FER1L5: variants seen among roughly 807,000 people sequenced by gnomAD.
FER1L5 encodes the protein fer-1 like family member 5, also known as fer-1-like protein 5.
A neutral mutation model predicts 279.9 loss-of-function variants in FER1L5; 187 were observed. That is an observed-to-expected ratio of 0.67 (90% CI 0.59 to 0.75). The LOEUF (loss-of-function observed/expected upper bound fraction) is 0.75. Among genes scored for constraint, FER1L5 ranks in the 30% least tolerant of loss-of-function variants. The pLI, the probability that FER1L5 is intolerant of heterozygous loss-of-function variation, is 0.00. For synonymous variants in FER1L5, 921 were observed against 989.7 expected (o/e 0.93, Z 1.30); for missense variants, 2,091 against 2,594.4 (o/e 0.81, Z 4.21).
Position 96,680,980 on chromosome 2 carries a change from T to A in FER1L5, c.1670-3347T>A, listed in dbSNP as rs186140113. ...CAGCCTTGAACTCCTGGCCTCAGCC[T>A]CCCAAAGCATTGGGATTGCAGGCGT... is the stretch of plus-strand genomic sequence containing the variant. On this transcript the variant is annotated intron_variant, in intron 19 of 52. Transcript: ENST00000624922. 5.3e-3 allele frequency among the ~76,000 whole-genome samples: 805 copies of A among 152,356 alleles called. 10 individuals carry two copies. The highest frequency in any genetic ancestry group is 0.019 in the African/African-American group (772 of 41,584).
At chr2:96,666,562 C>G (rs961308638) in intron 14 of FER1L5, among the ~76,000 whole-genome samples, 3 of 152,102 alleles carry the variant, frequency 2.0e-5, no homozygotes, top group Non-Finnish European at 4.4e-5. Context: ...GAAGAGGCCC[C>G]AGCTGAGAGG....
At chr2:96,662,355 C>A in intron 13 of FER1L5, 88 bp downstream of exon 13, 2 of 1,189,440 alleles carry the variant, frequency 1.7e-6, no homozygotes, top group African/African-American at 1.5e-5. Context: ...GGCAAGACCA[C>A]AGGAATCATC....
intron 10 of FER1L5, among the ~76,000 whole-genome samples, chr2:96,661,068 C>T (rs1180612914): frequency 6.6e-6 from 1 of 152,134 alleles, no homozygotes; most frequent in Non-Finnish European, 1.5e-5. Context: ...GGTTCCAGAC[C>T]AGGCCACAGT....
At chr2:96,687,620 C>T (rs1293687877) in intron 23 of FER1L5, 196 bp from the exon 24 acceptor site, 7 of 768,118 alleles carry the variant, frequency 9.1e-6, no homozygotes, top group Non-Finnish European at 1.2e-5. Flanking sequence ...TCATGGCTCC[C>T]AGGGTGGAGC....
In FER1L5 at chr2:96,686,103, A is replaced by T. The variant is rs7599598; in HGVS notation, c.2059A>T (p.Thr687Ser). The change falls in exon 22 of 53, where the codon ACC becomes TCC. Residue 687 changes from threonine to serine, a missense_variant. Coordinates refer to ENST00000624922, the MANE Select transcript of FER1L5 (RefSeq NM_001293083.2). ...TAEDWLYRLN[T>S]VLPEPQMGLP... ...GGAGGACTGGCTGTACCGCCTCAAC[A>T]CCGTGCTCCCTGAGGTGGGTGCTGC... 1.9e-6 allele frequency: 3 copies of T among 1,550,800 alleles called. No individual in the cohort carries two copies. In the East Asian group the frequency reaches 7.3e-5, roughly 38 times the overall value.
intron 19 of FER1L5, among the ~76,000 whole-genome samples, chr2:96,682,877 G>GTC (rs1025099617): frequency 6.6e-5 from 10 of 152,264 alleles, no homozygotes; most frequent in Middle Eastern, 3.4e-3. Flanking sequence ...TAGAGACAGG[G>GTC]TCTCTCTGTG....
intron 19 of FER1L5, among the ~76,000 whole-genome samples, chr2:96,675,355 G>A (rs2076472989): frequency 1.3e-5 from 2 of 152,088 alleles, no homozygotes; most frequent in South Asian, 4.2e-4. Flanking sequence ...TCCTCAGCAT[G>A]GTATGAGAGT....
Position 96,702,731 on chromosome 2 carries a change from A to G in FER1L5, c.5387A>G (p.Gln1796Arg). The G allele has an allele frequency of 6.2e-7, 1 of 1,613,048 alleles. No homozygotes were observed. The highest frequency in any genetic ancestry group is 1.7e-4 in the Middle Eastern group (1 of 6,060). Residue 1796 changes from glutamine (Q) to arginine (R), a missense_variant, in exon 48 of 53, where the codon CAG becomes CGG. Coordinates refer to ENST00000624922, the MANE Select transcript of FER1L5 (RefSeq NM_001293083.2). The surrounding 1 kb of genome is among the most constrained non-coding windows in gnomAD (Gnocchi z 4.0). ...DYLAAERTCV[Q>R]SQKDYIWSLD... ...CTGGCGGCGGAGCGCACGTGTGTCC[A>G]GAGCCAGAAGGTAACAGGCCTGGGG... is the stretch of plus-strand genomic sequence containing the variant.
rs2077657546 is a variant in FER1L5, at chr2:96,703,256, C to T, written c.5601C>T (p.Ile1867=). Residue 1867 remains isoleucine, a synonymous_variant, in exon 50 of 53, where the codon ATC becomes ATT. Transcript: ENST00000624922. The part of the protein sequence containing the change: ...MDADPKWPYF[I]QYKHFSLFKK... ...CCGACCCCAAGTGGCCCTATTTCAT[C>T]CAATACAAGCACTTCTCCCTCTTTA... 1 of 1,613,818 alleles carries T rather than the reference C, an allele frequency of 6.2e-7. No individual in the cohort carries two copies. The highest frequency in any genetic ancestry group is 1.3e-5 in the African/African-American group (1 of 74,912).
intron 19 of FER1L5, among the ~76,000 whole-genome samples, chr2:96,680,307 CT>C (rs1488775304): frequency 6.6e-6 from 1 of 152,020 alleles, no homozygotes; most frequent in Non-Finnish European, 1.5e-5. Flanking sequence ...TCATTCCAGT[CT>C]TTCACTCAAA....
intron 19 of FER1L5, among the ~76,000 whole-genome samples, chr2:96,681,197 GTC>G (rs1255058563): frequency 6.6e-6 from 1 of 152,170 alleles, no homozygotes; most frequent in African/African-American, 2.4e-5. Context: ...GAGAGACCCT[GTC>G]TCTAATTAGC....
rs574018121 is a variant in FER1L5, at chr2:96,651,248, T to C, written c.505-644T>C. On this transcript the variant is annotated intron_variant, in intron 6 of 52. Transcript: ENST00000624922. ...TTCTTTCTTTCTTTCTCTTTCTTTCTTTCTTTCTTTCTTTCTTTCTTTCTT... is the reference window on the plus strand; with the variant it reads ...TTCTTTCTTTCTTTCTCTTTCTTTCCTTCTTTCTTTCTTTCTTTCTTTCTT... Among the ~76,000 whole-genome samples the C allele has an allele frequency of 9.2e-3, 884 of 96,012 alleles. 9 individuals are homozygous for C. The highest frequency in any genetic ancestry group is 0.035 in the African/African-American group (836 of 24,104). 63.0% of individuals were successfully genotyped at this position (96,012 alleles called of 152,430 possible). A position where few individuals can be genotyped will look rare whatever the true frequency, so the allele number is the denominator to read the frequency against.
intron 9 of FER1L5, among the ~76,000 whole-genome samples, chr2:96,659,339 T>TTCCTTCCGTCCG (rs2075762073): frequency 1.2e-5 from 1 of 86,122 alleles, no homozygotes; most frequent in African/African-American, 4.6e-5. Context: ...CCTTCCTTCC[T>TTCCTTCCGTCCG]TCCTTCCTTC....
chr2:96,688,109 G>A (rs998005241), intron 24 of FER1L5, among the ~76,000 whole-genome samples, 162 bp downstream of exon 24: 4 of 152,272 alleles, frequency 2.6e-5, no homozygotes, highest in African/African-American at 7.2e-5. Flanking sequence ...ATTCCTGACC[G>A]AAACTGAGGG....
chr2:96,693,833 G>A, intron 32 of FER1L5, 78 bp from the exon 33 acceptor site: 1 of 1,480,020 alleles, frequency 6.8e-7, no homozygotes, highest in Non-Finnish European at 9.0e-7. Flanking sequence ...GCCAGCTGTT[G>A]CCCTTGCCTT....
chr2:96,660,000 C>T (rs1416965577), intron 9 of FER1L5, among the ~76,000 whole-genome samples: 2 of 152,160 alleles, frequency 1.3e-5, no homozygotes, highest in Non-Finnish European at 1.5e-5. Context: ...CTTAACCATC[C>T]TCTTCCCCAG....
Position 96,689,423 on chromosome 2 carries a change from G to A in FER1L5, c.2525+47G>A. On this transcript the variant is annotated intron_variant, in intron 25 of 52. Coordinates refer to ENST00000624922, the MANE Select transcript of FER1L5 (RefSeq NM_001293083.2). The surrounding 1 kb of genome is among the most constrained non-coding windows in gnomAD (Gnocchi z 4.6). ...CCCACCAGAGGGGACACTTCACCTG[G>A]GAGGGCCAGTCCGCGGCAGCCCAGA... is the stretch of plus-strand genomic sequence containing the variant. 1 of 1,538,500 alleles carries A rather than the reference G, an allele frequency of 6.5e-7. No homozygotes were observed. The highest frequency in any genetic ancestry group is 8.7e-7 in the Non-Finnish European group (1 of 1,143,810).
At chr2:96,703,483 T>C (rs776359864) in intron 50 of FER1L5, 40 bp from the exon 51 acceptor site, 2 of 1,612,284 alleles carry the variant, frequency 1.2e-6, no homozygotes, top group East Asian at 4.5e-5. Context: ...CGGCTCCTGC[T>C]GTCTGCACTC....
intron 2 of FER1L5, 90 bp from the exon 3 acceptor site, chr2:96,646,974 C>A: frequency 1.5e-6 from 2 of 1,331,810 alleles, no homozygotes; most frequent in Non-Finnish European, 2.1e-6. Flanking sequence ...AATGCAGTGC[C>A]AGCCCGTTCC....
Sources: gnomAD v4.1 joint callset for allele counts (sites outside exome capture counted in the v4.1 genomes callset) on GRCh38, gnomAD v4.1.1 for gene constraint, Gnocchi (gnomAD v3.1) non-coding constraint, MANE v1.5 for transcripts, NCBI Gene and HGNC (gene_info 2026-07-23, HGNC 2026-07-21) for gene names.